ZMIZ1: variants seen among roughly 807,000 people sequenced by gnomAD.
ZMIZ1 encodes zinc finger MIZ domain-containing protein 1.
In ZMIZ1, 17 loss-of-function variants were observed where a neutral mutation model predicts 113.9. That is an observed-to-expected ratio of 0.15 (90% CI 0.10 to 0.22). ZMIZ1 has a LOEUF of 0.22. Ranked by LOEUF, ZMIZ1 falls within the 10% of genes least tolerant of loss-of-function variation. ZMIZ1 has a pLI of 1.00. For missense variants in ZMIZ1, 1,059 were observed against 1,477.8 expected (o/e 0.72, Z 4.65); for synonymous variants, 607 against 603.1 (o/e 1.01, Z -0.09).
chr10:79,286,664 A>G (rs202124587), intron 8 of ZMIZ1, among the ~76,000 whole-genome samples: 2 of 152,226 alleles, frequency 1.3e-5, no homozygotes, highest in East Asian at 3.9e-4. Flanking sequence ...CAGTTTGGGA[A>G]CGTTGGTTAG....
intron 7 of ZMIZ1, among the ~76,000 whole-genome samples, chr10:79,275,181 G>A (rs1564572435): frequency 6.6e-6 from 1 of 152,242 alleles, no homozygotes; most frequent in East Asian, 1.9e-4. Flanking sequence ...CGAATAGGCT[G>A]CCTTTCCAGC....
chr10:79,120,215 C>T (rs148645172), intron 2 of ZMIZ1, among the ~76,000 whole-genome samples: 93 of 152,320 alleles, frequency 6.1e-4, no homozygotes, highest in Middle Eastern at 3.4e-3. Flanking sequence ...CAAACGTGTA[C>T]ACAGACGTCG....
chr10:79,228,965 T>A (rs1447619577), intron 7 of ZMIZ1, among the ~76,000 whole-genome samples: 1 of 152,236 alleles, frequency 6.6e-6, no homozygotes, highest in East Asian at 1.9e-4. Context: ...TCATGAGGGC[T>A]CTGCATGTAA....
chr10:79,195,705 G>A (rs1387618357), intron 4 of ZMIZ1, among the ~76,000 whole-genome samples: 2 of 152,198 alleles, frequency 1.3e-5, no homozygotes, highest in African/African-American at 4.8e-5. Flanking sequence ...ATTTGGGCAG[G>A]TTGGGTGGAA....
intron 3 of ZMIZ1, among the ~76,000 whole-genome samples, chr10:79,155,099 G>T (rs1196309050): frequency 6.6e-6 from 1 of 152,174 alleles, no homozygotes; most frequent in Non-Finnish European, 1.5e-5. Context: ...CAGAGCTGAG[G>T]CCTCTCTGAT....
intron 6 of ZMIZ1, among the ~76,000 whole-genome samples, chr10:79,215,847 G>T (rs537566801): frequency 6.6e-6 from 1 of 152,214 alleles, no homozygotes; most frequent in East Asian, 1.9e-4. Context: ...CCTAAGGATG[G>T]TGGTACAGGA....
At chr10:79,214,261 G>A (rs752300580) in intron 6 of ZMIZ1, among the ~76,000 whole-genome samples, 24 of 152,230 alleles carry the variant, frequency 1.6e-4, no homozygotes, top group Non-Finnish European at 3.2e-4. Context: ...AACAGAGCCC[G>A]TGGGAAAGAG....
chr10:79,297,038 T>A (rs1323249409), intron 13 of ZMIZ1: 2 of 181,548 alleles, frequency 1.1e-5, no homozygotes, highest in African/African-American at 4.7e-5. Flanking sequence ...GCTGTAACTT[T>A]GAATCTGTAC....
rs150856608 is a variant in ZMIZ1, at chr10:79,257,325, G to A, written c.281-19856G>A. On this transcript the variant is annotated intron_variant, in intron 7 of 24. Coordinates refer to ENST00000334512, the MANE Select transcript of ZMIZ1 (RefSeq NM_020338.4). ...TACACCCTGGAAGGCAGGAGAAGCC[G>A]GATGACCCTGAGGTCTTTTGCACCT... Among the ~76,000 whole-genome samples, 555 of 152,330 alleles carry A rather than the reference G, an allele frequency of 3.6e-3. 3 individuals are homozygous for A. The highest frequency in any genetic ancestry group is 0.013 in the African/African-American group (525 of 41,572).
At chr10:79,133,806 T>C (rs988725222) in intron 2 of ZMIZ1, among the ~76,000 whole-genome samples, 2 of 152,222 alleles carry the variant, frequency 1.3e-5, no homozygotes, top group South Asian at 4.1e-4. Context: ...AAATAAATCA[T>C]ATAAATAGGC....
chr10:79,230,084 C>T (rs1023684582), intron 7 of ZMIZ1, among the ~76,000 whole-genome samples: 6 of 152,176 alleles, frequency 3.9e-5, no homozygotes, highest in African/African-American at 1.4e-4. Context: ...TGCCCTCCTC[C>T]GTAGGTTGCC....
intron 6 of ZMIZ1, among the ~76,000 whole-genome samples, chr10:79,210,568 C>T (rs1008143600): frequency 3.9e-5 from 6 of 152,344 alleles, no homozygotes; most frequent in Non-Finnish European, 7.3e-5. Context: ...GAGCAGGGTG[C>T]TCCAGGCAGA....
chr10:79,311,226 T>C, intron 24 of ZMIZ1, 42 bp downstream of exon 24: 1 of 1,293,472 alleles, frequency 7.7e-7, no homozygotes, highest in South Asian at 1.2e-5. Context: ...GGGCTAGGCC[T>C]GGCGCCGGGA....
At chr10:79,108,369 C>CT (rs1843628087) in intron 1 of ZMIZ1, among the ~76,000 whole-genome samples, 1 of 152,152 alleles carries the variant, frequency 6.6e-6, no homozygotes, top group Non-Finnish European at 1.5e-5. Context: ...TGATAACCAC[C>CT]TGCAGTGTTA....
At chr10:79,165,478 T>C (rs1473855502) in intron 4 of ZMIZ1, among the ~76,000 whole-genome samples, 1 of 152,044 alleles carries the variant, frequency 6.6e-6, no homozygotes, top group Non-Finnish European at 1.5e-5. Flanking sequence ...AGTGTGTGCG[T>C]AGTAGCGTGT....
Position 79,293,595 on chromosome 10 carries a change from C to T in ZMIZ1, c.1172C>T (p.Pro391Leu), listed in dbSNP as rs770865298. ...HGQRMPQQTY[P>L]GPRPQSLPIQ... ...CAGCGGATGCCCCAGCAGACCTACC[C>T]GGGCCCCCGGCCCCAGTCCCTTCCT... Residue 391 changes from proline (P) to leucine (L), a missense_variant, in exon 12 of 25, where the codon CCG (proline) becomes CTG (leucine). By Grantham distance (98) the Pro-to-Leu change is moderately conservative. This residue lies in a region of ZMIZ1 where 239 missense variants were observed against 247.5 expected (regional missense o/e 0.97). Coordinates refer to ENST00000334512, the MANE Select transcript of ZMIZ1 (RefSeq NM_020338.4). 53 of 1,612,988 alleles carry T rather than the reference C, an allele frequency of 3.3e-5. No homozygotes were observed. Among genetic ancestry groups the T allele is most frequent in the East Asian group, 6.7e-5 (3 of 44,884 alleles).
intron 7 of ZMIZ1, among the ~76,000 whole-genome samples, chr10:79,230,335 G>A (rs765236548): frequency 1.5e-4 from 23 of 152,164 alleles, no homozygotes; most frequent in Non-Finnish European, 3.2e-4. Flanking sequence ...CTAGGTGGCC[G>A]GCTATCTGCT....
At chr10:79,310,631 G>A (rs1032840310) in intron 23 of ZMIZ1, among the ~76,000 whole-genome samples, 13 of 151,998 alleles carry the variant, frequency 8.6e-5, no homozygotes, top group African/African-American at 3.1e-4. Flanking sequence ...GCCTGGGGGA[G>A]CCCAGGCCCA....
In ZMIZ1 at chr10:79,296,348, G is replaced by A. The variant is rs926326673; in HGVS notation, c.1231-123G>A. 8.2e-6 allele frequency: 9 copies of A among 1,100,572 alleles called. No homozygotes were observed. The African/African-American group carries it at 1.4e-4, about 17-fold the overall frequency. The allele number at this position is 1,100,572 out of a possible 1,614,324, so 68.2% of individuals were successfully genotyped here. Reference sequence around the variant, plus strand: ...GGGGCCCAAAGCATTATCTGGTTTTGTGGGTGGGAAACAGCAGGAGCAAAT... The same window carrying A: ...GGGGCCCAAAGCATTATCTGGTTTTATGGGTGGGAAACAGCAGGAGCAAAT... On this transcript the variant is annotated intron_variant, in intron 12 of 24. Coordinates refer to ENST00000334512, the MANE Select transcript of ZMIZ1 (RefSeq NM_020338.4). This position sits in a 1 kb window ranked among gnomAD's most constrained non-coding sequence, Gnocchi z 4.1.
Sources: gnomAD v4.1 joint callset for allele counts (sites outside exome capture counted in the v4.1 genomes callset) on GRCh38, gnomAD v4.1.1 for gene constraint, gnomAD v4.1.1 regional missense constraint, Gnocchi (gnomAD v3.1) non-coding constraint, MANE v1.5 for transcripts, NCBI Gene and HGNC (gene_info 2026-07-23, HGNC 2026-07-21) for gene names.